ATP8A2: variants seen among roughly 807,000 people sequenced by gnomAD.
The protein encoded by ATP8A2 is phospholipid-transporting ATPase IB.
Under a neutral mutation model 165.6 loss-of-function variants are expected in ATP8A2, and 100 were observed. The ratio of observed to expected loss-of-function variants is 0.60; its 90% CI spans 0.51 to 0.71. The LOEUF is 0.71. Ranked by LOEUF, ATP8A2 falls within the 30% of genes least tolerant of loss-of-function variation. ATP8A2 has a pLI of 0.00. For missense variants in ATP8A2, 1,227 were observed against 1,479.5 expected (o/e 0.83, Z 2.80); for synonymous variants, 543 against 548.8 (o/e 0.99, Z 0.15).
chr13:25,798,517 A>T (rs548310283), intron 27 of ATP8A2, among the ~76,000 whole-genome samples: 16 of 104,324 alleles, frequency 1.5e-4, no homozygotes, highest in South Asian at 4.8e-4. Context: ...GATGGCTTTT[A>T]AAAAAAAGTA....
intron 1 of ATP8A2, among the ~76,000 whole-genome samples, chr13:25,420,876 A>G (rs2034279160): frequency 6.6e-6 from 1 of 152,246 alleles, no homozygotes; most frequent in Admixed American, 6.5e-5. Context: ...GCATTAAATG[A>G]CAAATTTAAG....
At chr13:25,492,442 T>C (rs2036555754) in intron 2 of ATP8A2, among the ~76,000 whole-genome samples, 1 of 152,166 alleles carries the variant, frequency 6.6e-6, no homozygotes, top group African/African-American at 2.4e-5. Context: ...CTGAAAGAAA[T>C]TTTGCCACAT....
chr13:25,758,123 T>A (rs1223757217), intron 25 of ATP8A2, among the ~76,000 whole-genome samples: 1 of 152,216 alleles, frequency 6.6e-6, no homozygotes, highest in Non-Finnish European at 1.5e-5. Context: ...AAAGTTGGGA[T>A]TTGGCTTCTC....
At chr13:25,852,592 A>T (rs1952035779) in intron 30 of ATP8A2, among the ~76,000 whole-genome samples, 1 of 152,136 alleles carries the variant, frequency 6.6e-6, no homozygotes, top group African/African-American at 2.4e-5. Flanking sequence ...TTCTTAGTCT[A>T]ATTGTTTTTT....
At chr13:25,642,498 C>A (rs527299900) in intron 24 of ATP8A2, among the ~76,000 whole-genome samples, 13 of 152,306 alleles carry the variant, frequency 8.5e-5, no homozygotes, top group African/African-American at 3.1e-4. Context: ...ATAAAAAATG[C>A]TCATAATCAC....
At chr13:25,687,536 C>T (rs1377823753) in intron 24 of ATP8A2, among the ~76,000 whole-genome samples, 1 of 152,140 alleles carries the variant, frequency 6.6e-6, no homozygotes, top group Admixed American at 6.5e-5. Flanking sequence ...TCGAGGGGAG[C>T]AGTAGGCAGC....
intron 2 of ATP8A2, among the ~76,000 whole-genome samples, chr13:25,487,087 G>C (rs1479345932): frequency 6.6e-6 from 1 of 152,162 alleles, no homozygotes; most frequent in Non-Finnish European, 1.5e-5. Context: ...AACTAAAAAG[G>C]TGAATTGTTT....
At chr13:25,374,482 G>A (rs569213945) in intron 1 of ATP8A2, among the ~76,000 whole-genome samples, 2 of 152,306 alleles carry the variant, frequency 1.3e-5, no homozygotes, top group South Asian at 4.1e-4. Flanking sequence ...TTCAAGAGAG[G>A]TCGCTTTGTT....
chr13:25,786,610 C>T (rs1245575713), intron 27 of ATP8A2, among the ~76,000 whole-genome samples: 1 of 152,112 alleles, frequency 6.6e-6, no homozygotes, highest in African/African-American at 2.4e-5. Flanking sequence ...TAACTAGAAG[C>T]TTTTACTTCC....
chr13:25,485,149 C>G (rs777999004), intron 2 of ATP8A2, among the ~76,000 whole-genome samples: 11 of 152,198 alleles, frequency 7.2e-5, no homozygotes, highest in Non-Finnish European at 1.3e-4. Context: ...AAGGCAGAAA[C>G]ATGAACTTCT....
intron 25 of ATP8A2, among the ~76,000 whole-genome samples, chr13:25,738,682 G>T (rs934951630): frequency 7.9e-5 from 12 of 152,244 alleles, no homozygotes; most frequent in African/African-American, 2.9e-4. Context: ...TGTAAGAACT[G>T]CAGGCAAAAT....
chr13:25,591,613 T>A (rs1295106408), intron 24 of ATP8A2, among the ~76,000 whole-genome samples: 1 of 147,456 alleles, frequency 6.8e-6, no homozygotes, highest in African/African-American at 2.5e-5. Context: ...TGAGACGAAG[T>A]CTCACTCTCT....
At position 25,799,423 on chromosome 13, in the gene ATP8A2, A is replaced by G. The variant is rs112751815; in HGVS notation, c.2679+24464A>G. Reference sequence around the variant, plus strand: ...AGGTTCCCTTAAATCAAAACAGCCAATATGCCAGAACATCATATTTTTAAC... The same window carrying G: ...AGGTTCCCTTAAATCAAAACAGCCAGTATGCCAGAACATCATATTTTTAAC... On this transcript the variant is annotated intron_variant, in intron 27 of 36. Transcript: ENST00000381655. Among the ~76,000 whole-genome samples the G allele has an allele frequency of 2.7e-3, 406 of 152,362 alleles. 2 individuals are homozygous for G. The highest frequency in any genetic ancestry group is 9.0e-3 in the African/African-American group (375 of 41,594).
intron 25 of ATP8A2, among the ~76,000 whole-genome samples, chr13:25,703,323 C>A (rs926734709): frequency 6.6e-6 from 1 of 152,114 alleles, no homozygotes; most frequent in Non-Finnish European, 1.5e-5. Flanking sequence ...TGTGATCTGC[C>A]CACCTCGGCC....
chr13:25,588,124 CTT>C (rs1417965161), intron 23 of ATP8A2, among the ~76,000 whole-genome samples: 2 of 152,234 alleles, frequency 1.3e-5, no homozygotes, highest in East Asian at 3.9e-4. Flanking sequence ...TTGCCTATGT[CTT>C]TTTCATATTG....
At chr13:25,679,247 A>C (rs1479690101) in intron 24 of ATP8A2, among the ~76,000 whole-genome samples, 2 of 152,214 alleles carry the variant, frequency 1.3e-5, no homozygotes, top group Admixed American at 1.3e-4. Flanking sequence ...TTTTGGACTT[A>C]TTAAATTCTC....
intron 2 of ATP8A2, among the ~76,000 whole-genome samples, chr13:25,482,409 G>C (rs1028688923): frequency 6.6e-6 from 1 of 152,116 alleles, no homozygotes; most frequent in Admixed American, 6.5e-5. Flanking sequence ...GTAGAAGGAC[G>C]GGGCAAAACT....
chr13:25,806,376 T>C (rs1442363320), intron 27 of ATP8A2, among the ~76,000 whole-genome samples: 1 of 151,958 alleles, frequency 6.6e-6, no homozygotes, highest in East Asian at 1.9e-4. Flanking sequence ...TCTCAGGCAT[T>C]TGCGCAGGCC....
chr13:25,958,961 A>G (rs911141232), intron 33 of ATP8A2, among the ~76,000 whole-genome samples: 3 of 152,228 alleles, frequency 2.0e-5, no homozygotes, highest in African/African-American at 7.2e-5. Context: ...GTTACAATCT[A>G]TTTTAAATGA....
Sources: gnomAD v4.1 joint callset for allele counts (sites outside exome capture counted in the v4.1 genomes callset) on GRCh38, gnomAD v4.1.1 for gene constraint, MANE v1.5 for transcripts, NCBI Gene and HGNC (gene_info 2026-07-23, HGNC 2026-07-21) for gene names.